The following CEP83 variants were observed in gnomAD, a reference collection of about 807,000 sequenced individuals.
CEP83 encodes the protein centrosomal protein 83.
In CEP83, 70 loss-of-function variants were observed where a neutral mutation model predicts 101.9. The ratio of observed to expected loss-of-function variants is 0.69; its 90% confidence interval spans 0.57 to 0.84. The LOEUF is 0.84. Among genes scored for constraint, CEP83 ranks in the 40% least tolerant of loss-of-function variants. The pLI is 0.00. For synonymous variants in CEP83, 264 were observed against 267.9 expected, an observed-to-expected ratio of 0.99 and a Z score of 0.14; for missense variants, 715 against 787.2, an observed-to-expected ratio of 0.91 and a Z score of 1.10.
At chr12:94,319,159 T>A (rs1370729935) in intron 14 of CEP83, among the ~76,000 whole-genome samples, 7 of 152,184 alleles carry the variant, frequency 4.6e-5, no homozygotes, top group Non-Finnish European at 1.0e-4. Context: ...GTCCAGAAAT[T>A]TATCTGTCTC....
intron 11 of CEP83, among the ~76,000 whole-genome samples, chr12:94,355,926 T>C (rs75061307): frequency 6.6e-6 from 1 of 152,230 alleles, no homozygotes; most frequent in Admixed American, 6.5e-5. Context: ...TTAATAAATA[T>C]GTGGGTAAAT....
chr12:94,273,433 C>A, the CEP83 span, among the ~76,000 whole-genome samples: 1 of 152,082 alleles, frequency 6.6e-6, no homozygotes, highest in Admixed American at 6.5e-5. Flanking sequence ...AGACTGGAAG[C>A]CAAGTGTCTC....
At chr12:94,382,062 C>T (rs907678007) in intron 6 of CEP83, among the ~76,000 whole-genome samples, 2 of 151,920 alleles carry the variant, frequency 1.3e-5, no homozygotes, top group Non-Finnish European at 2.9e-5. Flanking sequence ...TACAAACTGC[C>T]AATTTCACAT....
At chr12:94,343,255 C>T (rs570636839) in intron 11 of CEP83, among the ~76,000 whole-genome samples, 5 of 151,756 alleles carry the variant, frequency 3.3e-5, no homozygotes, top group Admixed American at 2.6e-4. Flanking sequence ...GTCCAGAATG[C>T]GAACTTAAGA....
intron 16 of CEP83, 25 bp from the exon 17 acceptor site, chr12:94,308,942 A>G: frequency 6.5e-7 from 1 of 1,526,988 alleles, no homozygotes; most frequent in Non-Finnish European, 9.1e-7. Flanking sequence ...GAGAAAGCAT[A>G]GCAAAAGAAA....
chr12:94,424,730 C>T, intron 2 of CEP83: 3 of 1,609,722 alleles, frequency 1.9e-6, no homozygotes, highest in Non-Finnish European at 2.6e-6. Context: ...AACAATCTTG[C>T]CATATGGCTG....
intron 11 of CEP83, among the ~76,000 whole-genome samples, chr12:94,337,039 C>A (rs1253263193): frequency 1.3e-5 from 2 of 152,094 alleles, no homozygotes; most frequent in East Asian, 1.9e-4. Flanking sequence ...CAGCTCAGGT[C>A]CACAGTTAGA....
rs2063936746 is a variant in CEP83 at position 94,412,320 on chromosome 12, T to C, written c.171A>G (p.Thr57=). ...ACTTCTAGATTTAAGTAATTTACCT[T>C]GTGTGTTCAGCCTTCAGTGTCTGAT... is the stretch of plus-strand genomic sequence containing the variant. ...ANYQTLKAEH[T]RLQNEHVKLQ... Residue 57 remains threonine, a splice_region_variant and synonymous_variant, in exon 3 of 17, where the codon ACA becomes ACG. Coordinates refer to ENST00000397809, the MANE Select transcript of CEP83 (RefSeq NM_016122.3). 1.3e-6 allele frequency: 2 copies of C among 1,596,284 alleles called. No individual in the cohort carries two copies. The highest frequency in any genetic ancestry group is 1.7e-6 in the Non-Finnish European group (2 of 1,173,706).
chr12:94,320,978 T>G (rs1210716669), intron 14 of CEP83, among the ~76,000 whole-genome samples: 1 of 152,226 alleles, frequency 6.6e-6, no homozygotes, highest in East Asian at 1.9e-4. Flanking sequence ...CCTAAGTTGT[T>G]TGCTTTCTCC....
At chr12:94,268,216 TC>T in the CEP83 span, among the ~76,000 whole-genome samples, 1 of 152,216 alleles carries the variant, frequency 6.6e-6, no homozygotes, top group East Asian at 1.9e-4. Flanking sequence ...GGATGTGTTC[TC>T]CCTGAGGTGT....
the CEP83 span, among the ~76,000 whole-genome samples, chr12:94,288,525 T>C: frequency 6.6e-6 from 1 of 152,212 alleles, no homozygotes; most frequent in Non-Finnish European, 1.5e-5. Context: ...GCAGGAGCCC[T>C]GTGGCATTTT....
chr12:94,268,612 T>TTTTA, the CEP83 span, among the ~76,000 whole-genome samples: 876 of 130,632 alleles, frequency 6.7e-3, 10 homozygotes, highest in African/African-American at 0.016. Context: ...TTTTTTTTTT[T>TTTTA]AATTTAAGGA....
At chr12:94,399,006 T>A (rs1203284496) in intron 6 of CEP83, among the ~76,000 whole-genome samples, 1 of 152,224 alleles carries the variant, frequency 6.6e-6, no homozygotes, top group Non-Finnish European at 1.5e-5. Flanking sequence ...TTGTTTAAGA[T>A]GTTTATCAAG....
At chr12:94,305,760 T>C (rs1378860669), downstream of CEP83, 2 of 153,100 alleles carry the variant, frequency 1.3e-5, no homozygotes, top group Non-Finnish European at 1.5e-5. Flanking sequence ...ATTTGCAGCA[T>C]TGAAACTTTC....
At chr12:94,293,128 A>G in the CEP83 span, among the ~76,000 whole-genome samples, 1 of 152,174 alleles carries the variant, frequency 6.6e-6, no homozygotes, top group Non-Finnish European at 1.5e-5. Flanking sequence ...TCTGCTCAAC[A>G]TTATGATTGT....
chr12:94,356,137 C>G (rs1320551190), intron 11 of CEP83, among the ~76,000 whole-genome samples: 1 of 152,170 alleles, frequency 6.6e-6, no homozygotes, highest in Non-Finnish European at 1.5e-5. Context: ...CGGCTGGGAA[C>G]AGAAAACTAG....
intron 11 of CEP83, among the ~76,000 whole-genome samples, chr12:94,360,500 T>C (rs2060698162): frequency 6.6e-6 from 1 of 151,812 alleles, no homozygotes; most frequent in African/African-American, 2.4e-5. Context: ...GAAAGAAATC[T>C]TCTTTATTAT....
At chr12:94,383,537 C>A (rs2061966210) in intron 6 of CEP83, among the ~76,000 whole-genome samples, 1 of 152,020 alleles carries the variant, frequency 6.6e-6, no homozygotes, top group Admixed American at 6.6e-5. Context: ...CATCCAAGTT[C>A]AAACACTGTA....
At chr12:94,415,708 T>C (rs2064214394) in intron 2 of CEP83, among the ~76,000 whole-genome samples, 1 of 152,056 alleles carries the variant, frequency 6.6e-6, no homozygotes, top group Non-Finnish European at 1.5e-5. Context: ...GCAGAAGTTG[T>C]CAAAACTATA....
Sources: gnomAD v4.1 joint callset for allele counts (sites outside exome capture counted in the v4.1 genomes callset) on GRCh38, gnomAD v4.1.1 for gene constraint, MANE v1.5 for transcripts, NCBI Gene and HGNC (gene_info 2026-07-23, HGNC 2026-07-21) for gene names.